The following ZNF638 variants were observed in gnomAD, a reference collection of about 807,000 sequenced individuals.
ZNF638 encodes zinc finger protein 638, also known as CTCL tumor antigen se33-1.
ZNF638 carries 46 observed loss-of-function variants against 195.6 expected under a neutral mutation model. The observed-to-expected ratio is 0.24, with a 90% confidence interval of 0.19 to 0.30. The LOEUF is 0.30. Ranked by LOEUF, ZNF638 falls within the 10% of genes least tolerant of loss-of-function variation. The probability of loss-of-function intolerance (pLI) is 1.00; values close to 1 mark genes in which losing one functional copy is unlikely to be tolerated. For missense variants in ZNF638, 2,440 were observed against 2,325.3 expected (o/e 1.05, Z -1.01); for synonymous variants, 845 against 772.0 (o/e 1.09, Z -1.57).
At chr2:71,434,618 C>T in intron 27 of ZNF638, 124 bp from the exon 28 acceptor site, 1 of 751,478 alleles carries the variant, frequency 1.3e-6, no homozygotes, top group Non-Finnish European at 2.2e-6. Flanking sequence ...TTATATAAGG[C>T]ACTGTGTTTA....
chr2:71,400,339 CT>C, intron 14 of ZNF638, 138 bp from the exon 15 acceptor site: 1 of 1,050,094 alleles, frequency 9.5e-7, no homozygotes, highest in East Asian at 2.6e-5. Flanking sequence ...GCCAATGTCA[CT>C]TTTGTAGTCA....
chr2:71,434,008 C>A (rs1402258178), intron 27 of ZNF638, among the ~76,000 whole-genome samples: 1 of 152,188 alleles, frequency 6.6e-6, no homozygotes, highest in Non-Finnish European at 1.5e-5. Context: ...TAGGCCCAAG[C>A]TCTTATACAT....
Position 71,405,823 on chromosome 2 carries a change from C to T in ZNF638, c.3000+181C>T, listed in dbSNP as rs560090132. Among the ~76,000 whole-genome samples, 6 of 152,070 alleles carry T rather than the reference C, an allele frequency of 3.9e-5. No homozygotes were observed. In the South Asian group the frequency reaches 8.3e-4, roughly 21 times the overall value. On this transcript the variant is annotated intron_variant, in intron 18 of 27. Coordinates refer to ENST00000264447, the MANE Select transcript of ZNF638 (RefSeq NM_014497.5). ...TAAAGGTTTCTTGTAGTACTTGATG[C>T]GAAAAAATTTTTCAGGTACTGGAGT... is the stretch of plus-strand genomic sequence containing the variant.
At position 71,351,529 on chromosome 2, in the gene ZNF638, C is replaced by T. The variant is rs367635209; in HGVS notation, c.1317+1258C>T. ...AGTGAATTGAGTGTTTGTCTGTATT[C>T]TTGTGACTGGGCATACCACATAATT... On this transcript the variant is annotated intron_variant, in intron 2 of 27. Coordinates refer to ENST00000264447, the MANE Select transcript of ZNF638 (RefSeq NM_014497.5). Among the ~76,000 whole-genome samples, 6 of 152,184 alleles carry T rather than the reference C, an allele frequency of 3.9e-5. No homozygotes were observed. The South Asian group carries it at 8.3e-4, about 21-fold the overall frequency.
At chr2:71,396,297 G>T (rs953039691) in intron 11 of ZNF638, 106 bp downstream of exon 11, 8 of 833,020 alleles carry the variant, frequency 9.6e-6, no homozygotes, top group Middle Eastern at 3.4e-4. Flanking sequence ...AGTCTGTATT[G>T]AATGCATGCT....
chr2:71,394,571 T>C (rs1427463184), intron 10 of ZNF638, among the ~76,000 whole-genome samples: 1 of 152,092 alleles, frequency 6.6e-6, no homozygotes, highest in Non-Finnish European at 1.5e-5. Context: ...ATATTACTAG[T>C]ATTATGGTAT....
intron 4 of ZNF638, 131 bp from the exon 5 acceptor site, chr2:71,363,823 T>G (rs1418321754): frequency 7.7e-6 from 9 of 1,174,270 alleles, no homozygotes; most frequent in Non-Finnish European, 1.0e-5. Context: ...ATTTTTGTTT[T>G]AAGTACATAT....
chr2:71,427,379 A>G lies in ZNF638; in HGVS notation c.5510A>G (p.Glu1837Gly). 1 of 1,581,144 alleles carries G rather than the reference A, an allele frequency of 6.3e-7. No homozygotes were observed. Among genetic ancestry groups the G allele is most frequent in the Non-Finnish European group, 8.5e-7 (1 of 1,170,598 alleles). ...VGPVNENVMEEDLKTMIERHL... is the reference protein window; with the variant it reads ...VGPVNENVMEGDLKTMIERHL... Reference sequence around the variant, plus strand: ...CCAGTAAATGAGAATGTTATGGAAGAAGATCTAAAAACCATGATTGAAAGA... The same window carrying G: ...CCAGTAAATGAGAATGTTATGGAAGGAGATCTAAAAACCATGATTGAAAGA... The change falls in exon 24 of 28, where the codon GAA (glutamate) becomes GGA (glycine). Residue 1837 changes from glutamate to glycine, a missense_variant. Physicochemically the swap from Glu to Gly is moderately conservative, Grantham distance 98. Transcript: ENST00000264447.
chr2:71,406,418 G>C (rs2080106482), intron 19 of ZNF638, among the ~76,000 whole-genome samples, 156 bp downstream of exon 19: 1 of 152,114 alleles, frequency 6.6e-6, no homozygotes, highest in East Asian at 1.9e-4. Flanking sequence ...ATTTTGGACT[G>C]GGCCGAGAAA....
chr2:71,433,379 G>A lies in ZNF638; in HGVS notation c.5871+96G>A. On this transcript the variant is annotated intron_variant, in intron 27 of 27. Transcript: ENST00000264447. ...AAACGTACATTTCCCCCCGCTTTAG[G>A]AGAATGTTTATGCCAGTTTATTCCT... 5 of 900,340 alleles carry A rather than the reference G, an allele frequency of 5.6e-6. No homozygotes were observed. The South Asian group carries it at 7.7e-5, about 14-fold the overall frequency. The allele number at this position is 900,340 out of a possible 1,614,324, so 55.8% of individuals were successfully genotyped here. A position where few individuals can be genotyped will look rare whatever the true frequency, so the allele number is the denominator to read the frequency against.
intron 1 of ZNF638, among the ~76,000 whole-genome samples, chr2:71,336,738 A>G (rs1390681995): frequency 6.6e-6 from 1 of 152,134 alleles, no homozygotes; most frequent in Non-Finnish European, 1.5e-5. Flanking sequence ...GTTATTTCAC[A>G]GGATGAAATA....
chr2:71,354,868 A>AT (rs1553468204), intron 2 of ZNF638, among the ~76,000 whole-genome samples: 2 of 152,096 alleles, frequency 1.3e-5, no homozygotes, highest in Non-Finnish European at 2.9e-5. Context: ...GATCAGTAGC[A>AT]TTTTTCCCCA....
intron 23 of ZNF638, among the ~76,000 whole-genome samples, chr2:71,424,988 C>G (rs1224632087): frequency 6.6e-6 from 1 of 152,060 alleles, no homozygotes; most frequent in African/African-American, 2.4e-5. Context: ...AGGGCAATAC[C>G]TCCAATCTCA....
chr2:71,357,241 T>C (rs1412193529), intron 3 of ZNF638, among the ~76,000 whole-genome samples: 2 of 152,134 alleles, frequency 1.3e-5, no homozygotes, highest in Non-Finnish European at 2.9e-5. Flanking sequence ...CTAAACACAT[T>C]ATAGTGGCTG....
chr2:71,428,420 C>A, intron 24 of ZNF638, 127 bp from the exon 25 acceptor site: 1 of 609,952 alleles, frequency 1.6e-6, no homozygotes, highest in Non-Finnish European at 2.9e-6. Context: ...TAGCAGTAGG[C>A]TTCCCTCCCA....
intron 11 of ZNF638, among the ~76,000 whole-genome samples, chr2:71,398,321 TAC>T (rs2079937683): frequency 6.6e-6 from 1 of 152,188 alleles, no homozygotes; most frequent in African/African-American, 2.4e-5. Flanking sequence ...GGCAATTTTA[TAC>T]AGTGTTTTAA....
chr2:71,424,055 G>C lies in ZNF638; in HGVS notation c.4524+17G>C. On this transcript the variant is annotated intron_variant, in intron 22 of 27. Transcript: ENST00000264447. ...AACAATAAGGTGAGGAGGGTAGGAAGAATGGCACAGTGTGTCTTTGAAGTG... is the reference window on the plus strand; with the variant it reads ...AACAATAAGGTGAGGAGGGTAGGAACAATGGCACAGTGTGTCTTTGAAGTG... The C allele has an allele frequency of 6.2e-7, 1 of 1,605,770 alleles. No individual in the cohort carries two copies. Among genetic ancestry groups the C allele is most frequent in the South Asian group, 1.1e-5 (1 of 89,716 alleles).
At chr2:71,347,781 A>G (rs1253820984) in intron 1 of ZNF638, among the ~76,000 whole-genome samples, 1 of 152,230 alleles carries the variant, frequency 6.6e-6, no homozygotes, top group African/African-American at 2.4e-5. Flanking sequence ...TTTAACTAAT[A>G]AAGTGCCTGG....
chr2:71,428,064 C>T (rs1486286237), intron 24 of ZNF638, among the ~76,000 whole-genome samples: 10 of 152,054 alleles, frequency 6.6e-5, no homozygotes, highest in South Asian at 2.1e-4. Flanking sequence ...CGGTGGCATG[C>T]GTCTGTGGTC....
Sources: gnomAD v4.1 joint callset for allele counts (sites outside exome capture counted in the v4.1 genomes callset) on GRCh38, gnomAD v4.1.1 for gene constraint, MANE v1.5 for transcripts, NCBI Gene and HGNC (gene_info 2026-07-23, HGNC 2026-07-21) for gene names.